The following DCAF8L2 variants were observed in gnomAD, a reference collection of about 807,000 sequenced individuals.
DCAF8L2 encodes DDB1 and CUL4 associated factor 8 like 2, also known as DDB1- and CUL4-associated factor 8-like protein 2.
For missense variants in DCAF8L2, 430 were observed against 490.7 expected, an observed-to-expected ratio of 0.88 and a Z score of 1.17; for synonymous variants, 200 against 190.9, an observed-to-expected ratio of 1.05 and a Z score of -0.39.
the DCAF8L2 span, among the ~76,000 whole-genome samples, chrX:27,531,193 C>G: frequency 8.9e-6 from 1 of 111,784 alleles, no homozygotes; most frequent in Non-Finnish European, 1.9e-5. Flanking sequence ...TTCCACATAG[C>G]TGGGGAGGCC....
the DCAF8L2 span, among the ~76,000 whole-genome samples, chrX:27,488,514 C>CCT: frequency 2.7e-5 from 2 of 72,983 alleles, no homozygotes; most frequent in Non-Finnish European, 5.3e-5. Flanking sequence ...GCCAAAATTA[C>CCT]CTCTGTGTGT....
At chrX:27,742,085 T>G (rs1921884504) in intron 4 of DCAF8L2, among the ~76,000 whole-genome samples, 1 of 112,439 alleles carries the variant, frequency 8.9e-6, no homozygotes, top group Admixed American at 9.4e-5. Context: ...AGCAGTAATT[T>G]AAAGGTATTC....
intron 2 of DCAF8L2, among the ~76,000 whole-genome samples, chrX:27,667,088 A>G (rs16987959): frequency 0.054 from 5,819 of 107,010 alleles, 451 homozygotes; most frequent in African/African-American, 0.19. Context: ...AGCCTTTACA[A>G]TTAAAAAGTT....
At chrX:27,632,292 A>G (rs1192744982) in intron 2 of DCAF8L2, 1 of 111,558 alleles carries the variant, frequency 9.0e-6, no homozygotes, top group East Asian at 2.8e-4. Context: ...TTTTGCAGAA[A>G]CAAGTGCAGG....
intron 4 of DCAF8L2, among the ~76,000 whole-genome samples, chrX:27,737,897 C>A (rs768401487): frequency 9.0e-6 from 1 of 111,295 alleles, no homozygotes; most frequent in South Asian, 3.8e-4. Flanking sequence ...ACTTCAAAAT[C>A]ATTACTGGTT....
rs187503539 is a variant in DCAF8L2, at chrX:27,677,425, G to C, written c.-219-411G>C. ...TAAGAAAAAGAGAAATGTATTGAGA[G>C]CCTGTGAGAGGAGTTTCACCTGATC... On this transcript the variant is annotated intron_variant, in intron 2 of 4. Transcript: ENST00000451261. Among the ~76,000 whole-genome samples, 751 of 112,084 alleles carry C rather than the reference G, an allele frequency of 6.7e-3. 21 individuals are homozygous for C. Among genetic ancestry groups the C allele is most frequent in the Admixed American group, 0.063 (657 of 10,454 alleles).
At chrX:27,606,688 T>G (rs1251844392) in intron 1 of DCAF8L2, among the ~76,000 whole-genome samples, 1 of 109,735 alleles carries the variant, frequency 9.1e-6, no homozygotes, top group Non-Finnish European at 1.9e-5. Flanking sequence ...AGTAGTATAT[T>G]TTTCTGAGTT....
chrX:27,521,541 A>G, the DCAF8L2 span, among the ~76,000 whole-genome samples: 3 of 112,441 alleles, frequency 2.7e-5, no homozygotes, highest in African/African-American at 9.7e-5. Context: ...ACTATGGAGA[A>G]CGCTGTGAAA....
Position 27,747,126 on chromosome X carries a change from C to T in DCAF8L2, c.231C>T (p.Ser77=), listed in dbSNP as rs61739703. The change falls in exon 5 of 5, where the codon AGC becomes AGT. Residue 77 remains serine (S), a synonymous_variant. Coordinates refer to ENST00000451261, the MANE Select transcript of DCAF8L2 (RefSeq NM_001353450.2). ...STENRSSDQE[S]ASEDIELESL... ...AAAATCGAAGCTCAGACCAAGAAAG[C>T]GCAAGTGAAGACATCGAACTTGAGA... 1.7e-5 allele frequency: 20 copies of T among 1,165,638 alleles called. No individual in the cohort carries two copies. The highest frequency in any genetic ancestry group is 1.8e-5 in the African/African-American group (1 of 55,490).
rs778838967 is a variant in DCAF8L2, at chrX:27,616,086, CCT to C, written c.-341-15790_-341-15789del. On this transcript the variant is annotated intron_variant, in intron 1 of 4. Transcript: ENST00000451261. Reference sequence around the variant, plus strand: ...ATACCTTGTCAATACTCTTTTTTCCCCTCTTAGGGACATAAATGGTTGAATCC... The same window carrying C: ...ATACCTTGTCAATACTCTTTTTTCCCCTTAGGGACATAAATGGTTGAATCC... 2.5e-3 allele frequency among the ~76,000 whole-genome samples: 278 copies of C among 110,261 alleles called. 1 individual carries two copies. The highest frequency in any genetic ancestry group is 8.6e-3 in the African/African-American group (261 of 30,514).
At chrX:27,635,969 G>A (rs961554336) in intron 2 of DCAF8L2, among the ~76,000 whole-genome samples, 5 of 109,562 alleles carry the variant, frequency 4.6e-5, no homozygotes, top group Non-Finnish European at 7.6e-5. Context: ...CTGCCACCAC[G>A]CCCAGCTAAT....
At chrX:27,605,045 T>C (rs888377828) in intron 1 of DCAF8L2, among the ~76,000 whole-genome samples, 17 of 111,423 alleles carry the variant, frequency 1.5e-4, no homozygotes, top group Admixed American at 1.9e-4. Context: ...AATTTTAGAG[T>C]AGAGATACAC....
chrX:27,473,661 A>T, the DCAF8L2 span, among the ~76,000 whole-genome samples: 1 of 110,186 alleles, frequency 9.1e-6, no homozygotes, highest in South Asian at 3.8e-4. Flanking sequence ...TTTTTTTTTT[A>T]ATCTTCACAA....
intron 2 of DCAF8L2, among the ~76,000 whole-genome samples, chrX:27,642,460 A>G (rs1928773801): frequency 9.0e-6 from 1 of 110,779 alleles, no homozygotes; most frequent in South Asian, 3.8e-4. Flanking sequence ...CTTCTTTCAG[A>G]TAATTCTTTC....
chrX:27,519,032 G>T, the DCAF8L2 span: 46 of 953,083 alleles, frequency 4.8e-5, no homozygotes, highest in East Asian at 1.2e-3. Context: ...CTATACATGC[G>T]AAGAAGGAAG....
the DCAF8L2 span, among the ~76,000 whole-genome samples, chrX:27,567,583 A>ATATG: frequency 1.7e-3 from 160 of 93,178 alleles, no homozygotes; most frequent in African/African-American, 6.0e-3. Flanking sequence ...ATATATATAT[A>ATATG]TATGAAAACA....
chrX:27,589,448 G>T (rs184235250), upstream of DCAF8L2, among the ~76,000 whole-genome samples: 62 of 111,778 alleles, frequency 5.5e-4, no homozygotes, highest in African/African-American at 1.9e-3. Context: ...ATGGTGAAAT[G>T]AATATTATTT....
intron 4 of DCAF8L2, among the ~76,000 whole-genome samples, chrX:27,732,491 C>T (rs773485044): frequency 2.4e-4 from 15 of 61,800 alleles, no homozygotes; most frequent in South Asian, 1.1e-3. Flanking sequence ...TGTGTGTGTG[C>T]GCGTGTGTGT....
chrX:27,638,531 G>A (rs1030507088), intron 2 of DCAF8L2, among the ~76,000 whole-genome samples: 5 of 111,614 alleles, frequency 4.5e-5, no homozygotes, highest in African/African-American at 6.5e-5. Flanking sequence ...TGAAATATGA[G>A]AATCCATGCC....
Sources: gnomAD v4.1 joint callset for allele counts (sites outside exome capture counted in the v4.1 genomes callset) on GRCh38, gnomAD v4.1.1 for gene constraint, MANE v1.5 for transcripts, NCBI Gene and HGNC (gene_info 2026-07-23, HGNC 2026-07-21) for gene names.